Variants in TRAPPC9 observed in about 807,000 individuals in gnomAD.
TRAPPC9 encodes trafficking protein particle complex subunit 9.
Under a neutral mutation model 124.0 loss-of-function variants are expected in TRAPPC9, and 83 were observed. The observed-to-expected ratio is 0.67, with a 90% CI of 0.56 to 0.80. The LOEUF (loss-of-function observed/expected upper bound fraction) is 0.80, where lower values mean the gene tolerates loss of function less well. Among genes scored for constraint, TRAPPC9 ranks in the 30% least tolerant of loss-of-function variants. The pLI, the probability that TRAPPC9 is intolerant of heterozygous loss-of-function variation, is 0.00. For missense variants in TRAPPC9, 1,302 were observed against 1,508.3 expected, an observed-to-expected ratio of 0.86 and a Z score of 2.27; for synonymous variants, 638 against 617.5, an observed-to-expected ratio of 1.03 and a Z score of -0.49.
chr8:140,200,667 C>T (rs927774524), intron 17 of TRAPPC9, among the ~76,000 whole-genome samples: 18 of 152,136 alleles, frequency 1.2e-4, no homozygotes, highest in Middle Eastern at 3.4e-3. Context: ...CTCAACGTCA[C>T]GAAAAACAAG....
intron 21 of TRAPPC9, among the ~76,000 whole-genome samples, chr8:139,846,682 T>TA (rs552618713): frequency 1.2e-3 from 189 of 152,328 alleles, no homozygotes; most frequent in African/African-American, 3.5e-3. Context: ...AGCTGACTGA[T>TA]ACATTCAAAA....
intron 16 of TRAPPC9, among the ~76,000 whole-genome samples, chr8:140,244,621 C>T (rs1350785117): frequency 2.6e-5 from 4 of 152,136 alleles, no homozygotes; most frequent in African/African-American, 4.8e-5. Flanking sequence ...TCAATCTTCC[C>T]GACAGCTCCC....
intron 17 of TRAPPC9, among the ~76,000 whole-genome samples, chr8:140,076,178 A>T (rs1843499196): frequency 6.6e-6 from 1 of 152,218 alleles, no homozygotes; most frequent in African/African-American, 2.4e-5. Context: ...TGACGAGTCT[A>T]CATAAGGAAG....
At chr8:140,313,682 C>T (rs1365367652) in intron 9 of TRAPPC9, among the ~76,000 whole-genome samples, 1 of 152,164 alleles carries the variant, frequency 6.6e-6, no homozygotes, top group African/African-American at 2.4e-5. Flanking sequence ...TCCGCTGTGC[C>T]TGCTGACTCC....
At position 140,244,773 on chromosome 8, in the gene TRAPPC9, G is replaced by A. The variant is rs551228404; in HGVS notation, c.2431+8004C>T. Among the ~76,000 whole-genome samples the A allele has an allele frequency of 3.6e-5, 5 of 140,132 alleles. No individual in the cohort carries two copies. The East Asian group carries it at 9.1e-4, about 25-fold the overall frequency. The allele number at this position is 140,132 out of a possible 152,430, so 91.9% of individuals were successfully genotyped here. ...TGACAAAGCTGTCTGTTACGCAGAAGTATTATTACTAAGGTGTTTCCAATT... is the reference window on the plus strand; with the variant it reads ...TGACAAAGCTGTCTGTTACGCAGAAATATTATTACTAAGGTGTTTCCAATT... On this transcript the variant is annotated intron_variant, in intron 16 of 22. Coordinates refer to ENST00000438773, the MANE Select transcript of TRAPPC9 (RefSeq NM_001160372.4).
At chr8:140,438,662 C>T (rs1264014528) in intron 3 of TRAPPC9, among the ~76,000 whole-genome samples, 2 of 152,214 alleles carry the variant, frequency 1.3e-5, no homozygotes, top group Admixed American at 1.3e-4. Flanking sequence ...TGGGGAATTT[C>T]TTCTGCCGTT....
intron 17 of TRAPPC9, among the ~76,000 whole-genome samples, chr8:140,038,819 C>T (rs772235649): frequency 6.6e-6 from 1 of 152,216 alleles, no homozygotes; most frequent in Non-Finnish European, 1.5e-5. Flanking sequence ...GTCTGCAGGG[C>T]GCAATCAGAG....
At chr8:140,096,385 T>C (rs1448287768) in intron 17 of TRAPPC9, 1 of 152,204 alleles carries the variant, frequency 6.6e-6, no homozygotes, top group Admixed American at 6.5e-5. Context: ...ACAGGATCCC[T>C]CTGGCCACAT....
chr8:139,836,095 A>G (rs1319762586), intron 21 of TRAPPC9, among the ~76,000 whole-genome samples: 1 of 151,756 alleles, frequency 6.6e-6, no homozygotes, highest in Non-Finnish European at 1.5e-5. Flanking sequence ...CGCAGCCTCC[A>G]CTTCCCAGGT....
chr8:140,311,236 T>G lies in TRAPPC9; in HGVS notation c.1622+12A>C. The stretch of plus-strand genomic sequence containing the variant: ...GGCAGCTGCCTTTCCGGCTCTGCAG[T>G]GCCCATCTCACCTGACGATGGGAAG... On this transcript the variant is annotated intron_variant, in intron 10 of 22. Transcript: ENST00000438773. 6.2e-7 allele frequency: 1 copy of G among 1,609,246 alleles called. No homozygotes were observed.
At chr8:140,112,851 T>G (rs2060809153) in intron 17 of TRAPPC9, among the ~76,000 whole-genome samples, 1 of 151,168 alleles carries the variant, frequency 6.6e-6, no homozygotes, top group Admixed American at 6.6e-5. Flanking sequence ...CTTTTTTTTT[T>G]TTTTTTTGAA....
chr8:140,050,602 G>A (rs1451091917), intron 17 of TRAPPC9, among the ~76,000 whole-genome samples: 1 of 152,112 alleles, frequency 6.6e-6, no homozygotes, highest in African/African-American at 2.4e-5. Flanking sequence ...CCTGACGGAG[G>A]CACACGGGAC....
chr8:140,389,793 A>G lies in TRAPPC9; in HGVS notation c.1134+7827T>C, dbSNP rs181150896. Among the ~76,000 whole-genome samples the G allele has an allele frequency of 6.8e-4, 103 of 152,216 alleles. No homozygotes were observed. The East Asian group carries it at 0.017, about 25-fold the overall frequency. The stretch of plus-strand genomic sequence containing the variant: ...ATTTACATTCTGCCTCATTGTAAAA[A>G]AGGATCTAAAATCAATTTTTTAAAC... On this transcript the variant is annotated intron_variant, in intron 7 of 22. Transcript: ENST00000438773.
chr8:139,982,080 A>G (rs954710643), intron 19 of TRAPPC9, among the ~76,000 whole-genome samples: 2 of 152,220 alleles, frequency 1.3e-5, no homozygotes, highest in Admixed American at 1.3e-4. Flanking sequence ...TTTAATTTCA[A>G]TGGTTTGATA....
rs1184641894 is a variant in TRAPPC9, at chr8:140,104,432, C to T, written c.2557-80353G>A. On this transcript the variant is annotated intron_variant, in intron 17 of 22. Coordinates refer to ENST00000438773, the MANE Select transcript of TRAPPC9 (RefSeq NM_001160372.4). This position sits in a 1 kb window ranked among gnomAD's most constrained non-coding sequence, Gnocchi z 4.0. ...CTGAGACCCTGCGATCTCTGAGATA[C>T]TCACAGGCCCGTGCGATAGTTGGAT... Among the ~76,000 whole-genome samples, 1 of 152,154 alleles carries T rather than the reference C, an allele frequency of 6.6e-6. No individual in the cohort carries two copies. The highest frequency in any genetic ancestry group is 1.9e-4 in the East Asian group (1 of 5,194).
chr8:140,414,295 A>G (rs1051684664), intron 5 of TRAPPC9, among the ~76,000 whole-genome samples: 1 of 152,222 alleles, frequency 6.6e-6, no homozygotes, highest in African/African-American at 2.4e-5. Flanking sequence ...GCACTTTGGG[A>G]GGCTAAGGCA....
chr8:139,829,424 G>A (rs1442058082), intron 21 of TRAPPC9, among the ~76,000 whole-genome samples: 3 of 152,228 alleles, frequency 2.0e-5, no homozygotes, highest in Non-Finnish European at 4.4e-5. Flanking sequence ...ACCCGTTCCC[G>A]TTCCACCACC....
intron 20 of TRAPPC9, among the ~76,000 whole-genome samples, chr8:139,887,307 G>A (rs1830075425): frequency 7.0e-6 from 1 of 141,980 alleles, no homozygotes; most frequent in Non-Finnish European, 1.5e-5. Context: ...TACAACCTCC[G>A]CCTCCCAGGC....
rs753283635 is a variant in TRAPPC9, at chr8:140,278,423, T to G, written c.2115-2602A>C. ...ACCCGGCCGTGACAATATTTTTATC[T>G]TGCATTATCAGCTCCTACCCAGCCA... On this transcript the variant is annotated intron_variant, in intron 14 of 22. Coordinates refer to ENST00000438773, the MANE Select transcript of TRAPPC9 (RefSeq NM_001160372.4). 1.2e-4 allele frequency among the ~76,000 whole-genome samples: 18 copies of G among 152,164 alleles called. No homozygotes were observed. In the East Asian group the frequency reaches 2.3e-3, roughly 20 times the overall value.
Sources: allele counts gnomAD v4.1 joint callset (sites outside exome capture counted in the v4.1 genomes callset), GRCh38; gene constraint gnomAD v4.1.1; non-coding constraint Gnocchi (gnomAD v3.1); transcripts MANE v1.5; gene names NCBI Gene and HGNC (gene_info 2026-07-23, HGNC 2026-07-21).